The following GRAMD1B variants were observed in gnomAD, a reference collection of about 807,000 sequenced individuals.
The protein encoded by GRAMD1B is protein Aster-B.
Under a neutral mutation model 99.7 loss-of-function variants are expected in GRAMD1B, and 37 were observed. That is an observed-to-expected ratio of 0.37 (90% CI 0.29 to 0.49). GRAMD1B has a LOEUF of 0.49. GRAMD1B is among the 20% of genes least tolerant of loss of function. The pLI, the probability that GRAMD1B is intolerant of heterozygous loss-of-function variation, is 0.98. For missense variants in GRAMD1B, 888 were observed against 1,009.2 expected (o/e 0.88, Z 1.63); for synonymous variants, 427 against 387.6 (o/e 1.10, Z -1.19).
chr11:123,426,876 T>C (rs1017746707), upstream of GRAMD1B, among the ~76,000 whole-genome samples: 29 of 152,314 alleles, frequency 1.9e-4, no homozygotes, highest in African/African-American at 6.7e-4. Context: ...TTTATGAGTC[T>C]CCAGAAGTAA....
rs74964684 is a variant in GRAMD1B, at chr11:123,501,753, C to T, written c.452+20860C>T. Reference sequence around the variant, plus strand: ...GAATGATCTAGTTAAAGATGCCTTTCGGCCAAATAGGATTTTTTCTTAACT... The same window carrying T: ...GAATGATCTAGTTAAAGATGCCTTTTGGCCAAATAGGATTTTTTCTTAACT... On this transcript the variant is annotated intron_variant, in intron 2 of 19. Coordinates refer to ENST00000635736, the MANE Select transcript of GRAMD1B (RefSeq NM_001387025.1). 1.0e-2 allele frequency among the ~76,000 whole-genome samples: 1,517 copies of T among 152,270 alleles called. 20 individuals carry two copies. Among genetic ancestry groups the T allele is most frequent in the African/African-American group, 0.035 (1,440 of 41,556 alleles).
At chr11:123,482,366 G>C (rs531536153) in intron 2 of GRAMD1B, among the ~76,000 whole-genome samples, 5 of 152,246 alleles carry the variant, frequency 3.3e-5, no homozygotes, top group South Asian at 2.1e-4. Context: ...TCAAAGTGCT[G>C]GGATTACAAG....
intron 1 of GRAMD1B, among the ~76,000 whole-genome samples, chr11:123,367,941 G>T (rs1483325860): frequency 6.6e-6 from 1 of 152,016 alleles, no homozygotes; most frequent in Non-Finnish European, 1.5e-5. Context: ...CAGGTGGATG[G>T]TGGAGGCTGT....
intron 17 of GRAMD1B, among the ~76,000 whole-genome samples, chr11:123,616,327 A>G (rs961548476): frequency 1.3e-5 from 2 of 152,250 alleles, no homozygotes; most frequent in African/African-American, 4.8e-5. Flanking sequence ...ATCTCAATAA[A>G]TAAATAAGTA....
chr11:123,565,039 T>C lies in GRAMD1B; in HGVS notation c.453-12328T>C, dbSNP rs145145894. Among the ~76,000 whole-genome samples, 1,268 of 152,208 alleles carry C rather than the reference T, an allele frequency of 8.3e-3. 13 individuals carry two copies. Among genetic ancestry groups the C allele is most frequent in the African/African-American group, 0.023 (940 of 41,510 alleles). The stretch of plus-strand genomic sequence containing the variant: ...TACTTTTATTAATGTAATTTCATAT[T>C]TTATTTTATTTTGAGAAAGGATCTC... On this transcript the variant is annotated intron_variant, in intron 2 of 19. Transcript: ENST00000635736.
At chr11:123,391,336 C>T (rs968229148) in intron 1 of GRAMD1B, among the ~76,000 whole-genome samples, 1 of 152,210 alleles carries the variant, frequency 6.6e-6, no homozygotes, top group African/African-American at 2.4e-5. Context: ...TCTTCTCTTG[C>T]TTTCTCAGAC....
At chr11:123,606,430 G>C (rs143245372) in intron 10 of GRAMD1B, among the ~76,000 whole-genome samples, 179 bp from the exon 11 acceptor site, 1 of 152,222 alleles carries the variant, frequency 6.6e-6, no homozygotes, top group African/African-American at 2.4e-5. Context: ...TCCTTGTACT[G>C]TGTTTGCCCA....
intron 1 of GRAMD1B, among the ~76,000 whole-genome samples, chr11:123,448,784 T>C (rs903099012): frequency 2.6e-5 from 4 of 152,210 alleles, no homozygotes; most frequent in African/African-American, 9.6e-5. Flanking sequence ...ACGAGGCTTC[T>C]CTCCCTCCAA....
chr11:123,367,695 CT>C (rs1264109792), intron 1 of GRAMD1B, among the ~76,000 whole-genome samples: 281 of 138,600 alleles, frequency 2.0e-3, no homozygotes, highest in East Asian at 3.5e-3. Flanking sequence ...ATTTTTTTTT[CT>C]TTTTTTTTTT....
At chr11:123,476,066 T>C (rs535785854) in intron 1 of GRAMD1B, among the ~76,000 whole-genome samples, 4 of 151,944 alleles carry the variant, frequency 2.6e-5, no homozygotes, top group East Asian at 1.9e-4. Flanking sequence ...TTTCATGGGA[T>C]TGAGTGGAGG....
chr11:123,588,849 A>G (rs975084864), intron 4 of GRAMD1B, among the ~76,000 whole-genome samples: 4 of 152,118 alleles, frequency 2.6e-5, no homozygotes, highest in African/African-American at 9.7e-5. Flanking sequence ...CCCTTATCCA[A>G]AATGTTTGGG....
chr11:123,455,521 A>C (rs1565512688), intron 1 of GRAMD1B, among the ~76,000 whole-genome samples: 1 of 152,150 alleles, frequency 6.6e-6, no homozygotes, highest in African/African-American at 2.4e-5. Flanking sequence ...TTGATCATTC[A>C]TCCTCTACTT....
intron 1 of GRAMD1B, among the ~76,000 whole-genome samples, chr11:123,398,458 T>C (rs1195426061): frequency 6.6e-6 from 1 of 152,198 alleles, no homozygotes. Context: ...GATCGACATA[T>C]TAATTTTGGG....
rs188640026 is a variant in GRAMD1B at position 123,523,189 on chromosome 11, G to A, written c.452+42296G>A. Among the ~76,000 whole-genome samples, 216 of 152,164 alleles carry A rather than the reference G, an allele frequency of 1.4e-3. 1 individual carries two copies. The highest frequency in any genetic ancestry group is 0.01 in the Middle Eastern group (3 of 294). ...TCTACTAAAAATACAAAAATTAACC[G>A]GGCATCGTGGTGCGTGCCTGTAATC... On this transcript the variant is annotated intron_variant, in intron 2 of 19. Coordinates refer to ENST00000635736, the MANE Select transcript of GRAMD1B (RefSeq NM_001387025.1).
intron 1 of GRAMD1B, among the ~76,000 whole-genome samples, chr11:123,386,521 T>G (rs1947065146): frequency 1.3e-5 from 2 of 149,308 alleles, no homozygotes; most frequent in Admixed American, 1.4e-4. Context: ...CACCGCAACC[T>G]CTGTCTCCCA....
At chr11:123,579,735 G>A (rs55683231) in intron 3 of GRAMD1B, among the ~76,000 whole-genome samples, 6,777 of 152,238 alleles carry the variant, frequency 0.045, 474 homozygotes, top group African/African-American at 0.15. Flanking sequence ...TCCAGATTCT[G>A]TACACCCTAA....
intron 1 of GRAMD1B, among the ~76,000 whole-genome samples, chr11:123,376,268 A>G (rs1946688101): frequency 6.6e-6 from 1 of 152,220 alleles, no homozygotes; most frequent in Non-Finnish European, 1.5e-5. Context: ...TCTAGTTTTT[A>G]GCATGGAAAT....
Position 123,510,220 on chromosome 11 carries a change from C to G in GRAMD1B, c.452+29327C>G, listed in dbSNP as rs1016148933. ...CACCAGCTGCTGACCTTCTCCCTTC[C>G]TGCTCCCCCCGGCTCTTGCTCATTA... On this transcript the variant is annotated intron_variant, in intron 2 of 19. Transcript: ENST00000635736. The surrounding 1 kb of genome is among the most constrained non-coding windows in gnomAD (Gnocchi z 4.3). Among the ~76,000 whole-genome samples, 3 of 152,194 alleles carry G rather than the reference C, an allele frequency of 2.0e-5. No individual in the cohort carries two copies. Among genetic ancestry groups the G allele is most frequent in the African/African-American group, 7.2e-5 (3 of 41,456 alleles).
At chr11:123,390,006 C>T (rs544431772) in intron 1 of GRAMD1B, among the ~76,000 whole-genome samples, 96 of 152,210 alleles carry the variant, frequency 6.3e-4, no homozygotes, top group Non-Finnish European at 1.2e-3. Flanking sequence ...ATCTGCCTGC[C>T]TCGGCCTCCC....
Sources: gnomAD v4.1 joint callset for allele counts (sites outside exome capture counted in the v4.1 genomes callset) on GRCh38, gnomAD v4.1.1 for gene constraint, Gnocchi (gnomAD v3.1) non-coding constraint, MANE v1.5 for transcripts, NCBI Gene and HGNC (gene_info 2026-07-23, HGNC 2026-07-21) for gene names.